Variants in B3GALT1 observed in about 807,000 individuals in gnomAD.
B3GALT1 encodes the protein UDP-Gal:betaGlcNAc beta 1,3-galactosyltransferase, polypeptide 1.
In B3GALT1, 10 loss-of-function variants were observed where a neutral mutation model predicts 23.2. That is an observed-to-expected ratio of 0.43 (90% CI 0.27 to 0.73). The LOEUF (loss-of-function observed/expected upper bound fraction) is 0.73. Among genes scored for constraint, B3GALT1 ranks in the 30% least tolerant of loss-of-function variants. B3GALT1 has a pLI of 0.21. For synonymous variants in B3GALT1, 156 were observed against 141.5 expected (o/e 1.10, Z -0.73); for missense variants, 299 against 405.4 (o/e 0.74, Z 2.25).
At chr2:167,444,312 A>G (rs1046958995) in intron 1 of B3GALT1, among the ~76,000 whole-genome samples, 4 of 152,160 alleles carry the variant, frequency 2.6e-5, no homozygotes, top group Non-Finnish European at 5.9e-5. Flanking sequence ...CATCAGGGAT[A>G]TTGGCCTAAA....
intron 4 of B3GALT1, among the ~76,000 whole-genome samples, chr2:167,846,143 G>A (rs938459673): frequency 6.6e-6 from 1 of 152,054 alleles, no homozygotes; most frequent in African/African-American, 2.4e-5. Context: ...GTGTTCCTGA[G>A]GAAGAAGAGA....
At chr2:167,643,774 G>A (rs1558934931) in intron 2 of B3GALT1, among the ~76,000 whole-genome samples, 1 of 152,178 alleles carries the variant, frequency 6.6e-6, no homozygotes, top group Non-Finnish European at 1.5e-5. Flanking sequence ...TGGGTAAACT[G>A]GCAGTATGAT....
chr2:167,830,403 A>C (rs959977533), intron 4 of B3GALT1, among the ~76,000 whole-genome samples: 4 of 152,106 alleles, frequency 2.6e-5, no homozygotes, highest in African/African-American at 4.8e-5. Flanking sequence ...TTGGTTAGAC[A>C]ATCAAGGAGA....
chr2:167,482,049 G>C (rs1699569409), intron 1 of B3GALT1, among the ~76,000 whole-genome samples: 2 of 152,120 alleles, frequency 1.3e-5, no homozygotes, highest in Admixed American at 1.3e-4. Context: ...CCAAGATACA[G>C]TTAGCTGTAG....
intron 3 of B3GALT1, chr2:167,714,902 A>G: frequency 6.2e-7 from 1 of 1,611,246 alleles, no homozygotes; most frequent in Non-Finnish European, 8.5e-7. Flanking sequence ...TTCTTGATAT[A>G]GTTCAGTCAT....
At chr2:167,364,337 TAG>T (rs1491033158) in intron 1 of B3GALT1, among the ~76,000 whole-genome samples, 17 of 47,844 alleles carry the variant, frequency 3.6e-4, no homozygotes, top group Admixed American at 1.4e-3. Context: ...TATATATATA[TAG>T]TTTTTTTTTT....
rs1468839383 is a variant in B3GALT1, at chr2:167,871,934, CT to C, written c.*1915del. ...TTTTTTTTTTTGAGACGGAGTCTAG[CT>C]CTGTGGCCCAGGCGGGAGTGCAGTG... On this transcript the variant is annotated 3_prime_UTR_variant, in exon 5 of 5. Transcript: ENST00000392690. 5 of 111,674 alleles carry C rather than the reference CT, an allele frequency of 4.5e-5. No individual in the cohort carries two copies. Among genetic ancestry groups the C allele is most frequent in the African/African-American group, 1.7e-4 (5 of 28,674 alleles). The allele number at this position is 111,674 out of a possible 1,614,324, so 6.9% of individuals were successfully genotyped here. A position where few individuals can be genotyped will look rare whatever the true frequency, so the allele number is the denominator to read the frequency against.
chr2:167,479,859 T>C (rs1397906426), intron 1 of B3GALT1, among the ~76,000 whole-genome samples: 1 of 152,086 alleles, frequency 6.6e-6, no homozygotes, highest in African/African-American at 2.4e-5. Flanking sequence ...TTAGAGGCTT[T>C]CAAATAGTTT....
chr2:167,714,090 C>T (rs1687105306), intron 3 of B3GALT1: 5 of 1,533,230 alleles, frequency 3.3e-6, no homozygotes, highest in Non-Finnish European at 4.5e-6. Flanking sequence ...CTAGTGGATT[C>T]CATTTCTGAA....
At chr2:167,651,059 T>C (rs1685854081) in intron 3 of B3GALT1, among the ~76,000 whole-genome samples, 1 of 152,088 alleles carries the variant, frequency 6.6e-6, no homozygotes, top group African/African-American at 2.4e-5. Context: ...TGTTTTTTTC[T>C]ATAAAGATAA....
intron 1 of B3GALT1, among the ~76,000 whole-genome samples, chr2:167,450,784 A>G (rs1420329636): frequency 1.3e-5 from 2 of 152,166 alleles, no homozygotes; most frequent in Non-Finnish European, 2.9e-5. Context: ...TCCCCCAAAT[A>G]TGTTTTCCAA....
intron 2 of B3GALT1, among the ~76,000 whole-genome samples, chr2:167,532,063 G>A (rs1380471386): frequency 6.6e-6 from 1 of 152,160 alleles, no homozygotes; most frequent in East Asian, 1.9e-4. Flanking sequence ...ATTACTAATT[G>A]GATCTCATTG....
intron 2 of B3GALT1, among the ~76,000 whole-genome samples, chr2:167,495,049 G>A (rs980077445): frequency 8.5e-5 from 13 of 152,120 alleles, no homozygotes; most frequent in African/African-American, 2.7e-4. Context: ...AAGGTAAAAT[G>A]TTGTCAAATT....
chr2:167,558,791 A>G (rs1290656782), intron 2 of B3GALT1, among the ~76,000 whole-genome samples: 3 of 152,232 alleles, frequency 2.0e-5, no homozygotes, highest in African/African-American at 7.2e-5. Context: ...GCTTAGGTAA[A>G]CAAAGCAGCC....
At chr2:167,825,055 G>A (rs769749374) in intron 4 of B3GALT1, among the ~76,000 whole-genome samples, 1 of 151,948 alleles carries the variant, frequency 6.6e-6, no homozygotes, top group Non-Finnish European at 1.5e-5. Context: ...GAAGGCCGAG[G>A]TGGGCAGATC....
intron 3 of B3GALT1, among the ~76,000 whole-genome samples, chr2:167,794,016 T>C (rs1688495192): frequency 6.6e-6 from 1 of 152,184 alleles, no homozygotes; most frequent in Non-Finnish European, 1.5e-5. Context: ...AGGGGAAATT[T>C]AGGATTCTCC....
At chr2:167,636,130 AATG>A (rs1465370012) in intron 2 of B3GALT1, among the ~76,000 whole-genome samples, 1 of 152,006 alleles carries the variant, frequency 6.6e-6, no homozygotes, top group Non-Finnish European at 1.5e-5. Context: ...TGAACTAAGT[AATG>A]AGCACAGTAA....
chr2:167,657,304 G>A (rs978264343), intron 3 of B3GALT1, among the ~76,000 whole-genome samples: 2 of 152,086 alleles, frequency 1.3e-5, no homozygotes, highest in Non-Finnish European at 2.9e-5. Flanking sequence ...GGGACTGGCT[G>A]AGTTCAACAG....
intron 4 of B3GALT1, among the ~76,000 whole-genome samples, chr2:167,855,531 G>A (rs6734498): frequency 0.11 from 15,986 of 152,068 alleles, 1,451 homozygotes; most frequent in African/African-American, 0.25. Context: ...AGAAGTTACC[G>A]TTTAACATTA....
Sources: gnomAD v4.1 joint callset for allele counts (sites outside exome capture counted in the v4.1 genomes callset) on GRCh38, gnomAD v4.1.1 for gene constraint, MANE v1.5 for transcripts, NCBI Gene and HGNC (gene_info 2026-07-23, HGNC 2026-07-21) for gene names.